ATRNL1: variants seen among roughly 807,000 people sequenced by gnomAD.
ATRNL1 encodes the protein attractin like 1.
A neutral mutation model predicts 182.7 loss-of-function variants in ATRNL1; 95 were observed. The ratio of observed to expected loss-of-function variants is 0.52; its 90% CI spans 0.44 to 0.62. The LOEUF is 0.62. ATRNL1 is among the 20% of genes least tolerant of loss of function. The pLI, the probability that ATRNL1 is intolerant of heterozygous loss-of-function variation, is 0.00. For synonymous variants in ATRNL1, 576 were observed against 568.3 expected (o/e 1.01, Z -0.19); for missense variants, 1,471 against 1,679.5 (o/e 0.88, Z 2.17).
At chr10:115,696,054 A>C (rs1555049673) in intron 26 of ATRNL1, among the ~76,000 whole-genome samples, 1 of 151,946 alleles carries the variant, frequency 6.6e-6, no homozygotes, top group East Asian at 1.9e-4. Flanking sequence ...GCCTGCTACC[A>C]CACCCGGCTA....
At chr10:115,844,751 A>G (rs1555098297) in intron 27 of ATRNL1, among the ~76,000 whole-genome samples, 1 of 152,072 alleles carries the variant, frequency 6.6e-6, no homozygotes, top group African/African-American at 2.4e-5. Flanking sequence ...GAATATGAAA[A>G]TGCCTAGAAG....
intron 8 of ATRNL1, among the ~76,000 whole-genome samples, chr10:115,179,866 TG>T (rs1847680024): frequency 6.6e-6 from 1 of 152,168 alleles, no homozygotes; most frequent in Non-Finnish European, 1.5e-5. Flanking sequence ...TTTCTCTTAA[TG>T]TGAAAGATTA....
chr10:115,459,043 A>G (rs2134518365), intron 21 of ATRNL1, among the ~76,000 whole-genome samples: 1 of 152,234 alleles, frequency 6.6e-6, no homozygotes, highest in East Asian at 1.9e-4. Context: ...TGCAATCTCT[A>G]AACATAAATT....
rs1037749484 is a variant in ATRNL1, at chr10:115,789,485, C to T, written c.3904-58392C>T. 6.0e-4 allele frequency among the ~76,000 whole-genome samples: 91 copies of T among 152,110 alleles called. 1 individual carries two copies. The highest frequency in any genetic ancestry group is 4.0e-3 in the Admixed American group (61 of 15,280). Reference sequence around the variant, plus strand: ...TGGTGCTGTTGATAATAGCACCCTGCGCTCCTCCCAGGGCACCGAGCACTA... The same window carrying T: ...TGGTGCTGTTGATAATAGCACCCTGTGCTCCTCCCAGGGCACCGAGCACTA... On this transcript the variant is annotated intron_variant, in intron 27 of 28. Coordinates refer to ENST00000355044, the MANE Select transcript of ATRNL1 (RefSeq NM_207303.4).
intron 24 of ATRNL1, among the ~76,000 whole-genome samples, chr10:115,516,721 C>T (rs1850658999): frequency 2.0e-5 from 1 of 49,090 alleles, no homozygotes; most frequent in Admixed American, 1.7e-4. Flanking sequence ...GATCTTATGA[C>T]TTTTCATAAA....
At chr10:115,748,069 G>A (rs1555069660) in intron 27 of ATRNL1, among the ~76,000 whole-genome samples, 1 of 152,016 alleles carries the variant, frequency 6.6e-6, no homozygotes, top group African/African-American at 2.4e-5. Flanking sequence ...CATAGCAAGA[G>A]CGACATATTC....
intron 25 of ATRNL1, among the ~76,000 whole-genome samples, chr10:115,526,531 G>T (rs1851224230): frequency 1.3e-5 from 2 of 152,116 alleles, no homozygotes; most frequent in African/African-American, 4.8e-5. Context: ...TTCTCTATCA[G>T]TGCATTTTCT....
intron 27 of ATRNL1, among the ~76,000 whole-genome samples, chr10:115,806,749 G>C (rs1314535997): frequency 6.6e-6 from 1 of 152,066 alleles, no homozygotes; most frequent in Non-Finnish European, 1.5e-5. Context: ...GCCATTACTA[G>C]CATGAGACTT....
At chr10:115,241,164 A>G (rs1850402874) in intron 9 of ATRNL1, among the ~76,000 whole-genome samples, 1 of 152,004 alleles carries the variant, frequency 6.6e-6, no homozygotes, top group Non-Finnish European at 1.5e-5. Flanking sequence ...TGGAGTCCAT[A>G]TGAGTTACAC....
chr10:115,587,669 A>G (rs7076416), intron 26 of ATRNL1, among the ~76,000 whole-genome samples: 61,349 of 151,836 alleles, frequency 0.4, 13,233 homozygotes, highest in Middle Eastern at 0.49. Context: ...GGCACTCCCT[A>G]GTGAGATGAA....
chr10:115,624,549 C>T (rs112551061), intron 26 of ATRNL1, among the ~76,000 whole-genome samples: 76 of 152,222 alleles, frequency 5.0e-4, no homozygotes, highest in African/African-American at 1.8e-3. Context: ...TATGCAGAAG[C>T]TGCCTGGAGC....
At chr10:115,665,774 G>T (rs920254744) in intron 26 of ATRNL1, among the ~76,000 whole-genome samples, 8 of 152,072 alleles carry the variant, frequency 5.3e-5, no homozygotes, top group South Asian at 2.1e-4. Context: ...AGAAAGATTC[G>T]CCTGAATAAG....
chr10:115,833,989 T>A (rs1289745233), intron 27 of ATRNL1, among the ~76,000 whole-genome samples: 4 of 152,236 alleles, frequency 2.6e-5, no homozygotes, highest in African/African-American at 9.6e-5. Flanking sequence ...TCTTATGGAA[T>A]GATTTTCTAT....
chr10:115,127,958 T>C (rs1845047680), intron 4 of ATRNL1, among the ~76,000 whole-genome samples: 1 of 152,150 alleles, frequency 6.6e-6, no homozygotes, highest in South Asian at 2.1e-4. Context: ...ACAATTGTTT[T>C]TTGGCAAGTG....
At chr10:115,353,894 A>G (rs147869343) in intron 19 of ATRNL1, among the ~76,000 whole-genome samples, 29 of 152,238 alleles carry the variant, frequency 1.9e-4, no homozygotes, top group African/African-American at 6.5e-4. Flanking sequence ...ACTCCCTCCT[A>G]CTTTTTGACT....
intron 1 of ATRNL1, among the ~76,000 whole-genome samples, chr10:115,108,185 C>T: frequency 6.6e-6 from 1 of 152,104 alleles, no homozygotes; most frequent in Non-Finnish European, 1.5e-5. Flanking sequence ...ATCATTCTAC[C>T]TTCTCGCATC....
chr10:115,093,968 G>A lies in ATRNL1; in HGVS notation c.218G>A (p.Arg73His), dbSNP rs1554862438. 1 of 1,586,584 alleles carries A rather than the reference G, an allele frequency of 6.3e-7. No homozygotes were observed. Among genetic ancestry groups the A allele is most frequent in the Non-Finnish European group, 8.6e-7 (1 of 1,168,504 alleles). The change falls in exon 1 of 29, where the codon CGC becomes CAC. Residue 73 changes from arginine (R) to histidine (H), a missense_variant. This residue lies in a region of ATRNL1 where 1,031 missense variants were observed against 1,156.0 expected (regional missense o/e 0.89). Coordinates refer to ENST00000355044, the MANE Select transcript of ATRNL1 (RefSeq NM_207303.4). The surrounding 1 kb of genome is among the most constrained non-coding windows in gnomAD (Gnocchi z 6.1). ...CERTGSCFSG[R>H]CVNSTCLCDP... is the part of the protein sequence containing the mutation. ...AGGACCGGCTCCTGCTTCTCGGGCC[G>A]CTGTGTCAACTCCACCTGCCTCTGC...
chr10:115,398,165 G>A (rs1294425389), intron 20 of ATRNL1, among the ~76,000 whole-genome samples: 1 of 151,930 alleles, frequency 6.6e-6, no homozygotes, highest in African/African-American at 2.4e-5. Flanking sequence ...TAAAAAAAAT[G>A]AACATTTTAA....
Position 115,702,044 on chromosome 10 carries a change from C to T in ATRNL1, c.3796-25204C>T, listed in dbSNP as rs144025787. 2.0e-5 allele frequency among the ~76,000 whole-genome samples: 3 copies of T among 152,052 alleles called. No homozygotes were observed. The East Asian group carries it at 5.8e-4, about 29-fold the overall frequency. On this transcript the variant is annotated intron_variant, in intron 26 of 28. Transcript: ENST00000355044. ...CAACAAAATACTAGCAAATTGAATC[C>T]AGCAGCACGTCAAAAAGTTAATTCA...
Sources: allele counts gnomAD v4.1 joint callset (sites outside exome capture counted in the v4.1 genomes callset), GRCh38; gene constraint gnomAD v4.1.1; regional missense constraint gnomAD v4.1.1; non-coding constraint Gnocchi (gnomAD v3.1); transcripts MANE v1.5; gene names NCBI Gene and HGNC (gene_info 2026-07-23, HGNC 2026-07-21).